BRD10: variants seen among roughly 807,000 people sequenced by gnomAD.
BRD10 encodes bromodomain containing 10, also known as uncharacterized bromodomain-containing protein 10.
chr9:5,915,050 G>T, the BRD10 span, among the ~76,000 whole-genome samples: 6 of 152,108 alleles, frequency 3.9e-5, no homozygotes, highest in Admixed American at 2.0e-4. Context: ...TATTAGTTTA[G>T]CACTAAATTA....
the BRD10 span, among the ~76,000 whole-genome samples, chr9:5,894,382 A>G: frequency 6.6e-6 from 1 of 152,188 alleles, no homozygotes; most frequent in South Asian, 2.1e-4. This position sits in a 1 kb window ranked among gnomAD's most constrained non-coding sequence, Gnocchi z 4.0. Flanking sequence ...CAAAGAAGGC[A>G]TCGGGGCAAC....
the BRD10 span, among the ~76,000 whole-genome samples, chr9:5,972,949 A>G: frequency 1.3e-5 from 2 of 152,188 alleles, no homozygotes; most frequent in African/African-American, 2.4e-5. Flanking sequence ...AGACAAAAAG[A>G]TATTTTCAGA....
At chr9:5,927,884 T>C in the BRD10 span, among the ~76,000 whole-genome samples, 1 of 152,190 alleles carries the variant, frequency 6.6e-6, no homozygotes, top group African/African-American at 2.4e-5. Flanking sequence ...ACCAGCCTTA[T>C]GTCTTTAAAT....
At chr9:5,950,287 C>G in the BRD10 span, among the ~76,000 whole-genome samples, 9 of 152,234 alleles carry the variant, frequency 5.9e-5, no homozygotes, top group East Asian at 9.6e-4. Flanking sequence ...ATTCATAATT[C>G]AGTGTTTTTC....
At chr9:5,954,164 C>T in the BRD10 span, 9 of 817,030 alleles carry the variant, frequency 1.1e-5, no homozygotes, top group East Asian at 8.1e-5. Flanking sequence ...AAACAAATTA[C>T]GCAGATCCTT....
chr9:5,936,118 G>A, the BRD10 span, among the ~76,000 whole-genome samples: 1 of 152,096 alleles, frequency 6.6e-6, no homozygotes, highest in African/African-American at 2.4e-5. Flanking sequence ...CATTTTGGGA[G>A]GCAGAGGAAG....
chr9:5,928,496 T>C, the BRD10 span, among the ~76,000 whole-genome samples: 2 of 152,182 alleles, frequency 1.3e-5, no homozygotes, highest in Admixed American at 1.3e-4. Flanking sequence ...CCTCCTTACC[T>C]CTCTGACTCT....
At chr9:5,998,422 A>G in the BRD10 span, among the ~76,000 whole-genome samples, 1 of 152,112 alleles carries the variant, frequency 6.6e-6, no homozygotes, top group Non-Finnish European at 1.5e-5. Flanking sequence ...TTAATAATCT[A>G]TATTGCAAAT....
chr9:5,943,621 G>T, the BRD10 span, among the ~76,000 whole-genome samples: 2 of 150,592 alleles, frequency 1.3e-5, no homozygotes, highest in African/African-American at 2.4e-5. Context: ...ATATATCACA[G>T]CAGTAAATTT....
At chr9:5,992,278 C>T in the BRD10 span, among the ~76,000 whole-genome samples, 2 of 152,038 alleles carry the variant, frequency 1.3e-5, no homozygotes, top group African/African-American at 2.4e-5. Context: ...TATCTATATG[C>T]GCATAGAAAG....
At chr9:5,992,584 C>A in the BRD10 span, among the ~76,000 whole-genome samples, 3 of 152,220 alleles carry the variant, frequency 2.0e-5, no homozygotes, top group Admixed American at 2.0e-4. Flanking sequence ...AGCTTTTTTT[C>A]TGTCTATTAG....
the BRD10 span, among the ~76,000 whole-genome samples, chr9:5,948,110 C>G: frequency 6.6e-6 from 1 of 152,124 alleles, no homozygotes; most frequent in East Asian, 1.9e-4. Context: ...TTAATATAAT[C>G]CATGGCAGAG....
At chr9:5,900,365 A>G in the BRD10 span, among the ~76,000 whole-genome samples, 2 of 152,078 alleles carry the variant, frequency 1.3e-5, no homozygotes, top group African/African-American at 2.4e-5. Context: ...TTTAATTTCC[A>G]TATTTATTTT....
chr9:5,935,143 A>G, the BRD10 span, among the ~76,000 whole-genome samples: 1 of 152,228 alleles, frequency 6.6e-6, no homozygotes, highest in Non-Finnish European at 1.5e-5. Flanking sequence ...CACTGACAGA[A>G]GCTCTAACAT....
the BRD10 span, among the ~76,000 whole-genome samples, chr9:5,939,030 C>T: frequency 4.6e-5 from 7 of 152,002 alleles, no homozygotes; most frequent in South Asian, 1.2e-3. Context: ...TGACTTGATA[C>T]CTTACTGAGA....
chr9:5,897,896 A>G, the BRD10 span, among the ~76,000 whole-genome samples: 1 of 152,322 alleles, frequency 6.6e-6, no homozygotes, highest in South Asian at 2.1e-4. Context: ...AATACGAGAG[A>G]CTGTAATTTA....
At chr9:5,918,702 C>T in the BRD10 span, among the ~76,000 whole-genome samples, 5 of 143,810 alleles carry the variant, frequency 3.5e-5, no homozygotes, top group Middle Eastern at 3.7e-3. Flanking sequence ...ATTACTTACA[C>T]ACCAACCTAA....
the BRD10 span, among the ~76,000 whole-genome samples, chr9:6,006,811 C>T: frequency 2.0e-5 from 3 of 152,238 alleles, no homozygotes; most frequent in Non-Finnish European, 2.9e-5. Flanking sequence ...AGAGATATTT[C>T]ATCCTAAACG....
chr9:5,915,741 ATTT>A, the BRD10 span, among the ~76,000 whole-genome samples: 8 of 152,072 alleles, frequency 5.3e-5, no homozygotes, highest in African/African-American at 1.7e-4. Context: ...ACTTATTATT[ATTT>A]TACTATTTTT....
Sources: gnomAD v4.1 joint callset for allele counts (sites outside exome capture counted in the v4.1 genomes callset) on GRCh38, gnomAD v4.1.1 for gene constraint, Gnocchi (gnomAD v3.1) non-coding constraint, MANE v1.5 for transcripts, NCBI Gene and HGNC (gene_info 2026-07-23, HGNC 2026-07-21) for gene names.